KIDINS220: variants seen among roughly 807,000 people sequenced by gnomAD.
KIDINS220 encodes the protein kinase D-interacting substrate of 220 kDa.
Under a neutral mutation model 157.6 loss-of-function variants are expected in KIDINS220, and 63 were observed. The observed-to-expected ratio is 0.40, with a 90% CI of 0.33 to 0.49. The LOEUF is 0.49. Ranked by LOEUF, KIDINS220 falls within the 20% of genes least tolerant of loss-of-function variation. The pLI, the probability that KIDINS220 is intolerant of heterozygous loss-of-function variation, is 0.66. For missense variants in KIDINS220, 1,772 were observed against 2,171.2 expected, an observed-to-expected ratio of 0.82 and a Z score of 3.65; for synonymous variants, 732 against 783.6, an observed-to-expected ratio of 0.93 and a Z score of 1.10.
At chr2:8,798,321 C>A in intron 9 of KIDINS220, 21 bp from the exon 10 acceptor site, 2 of 1,275,526 alleles carry the variant, frequency 1.6e-6, no homozygotes, top group African/African-American at 1.5e-5. Context: ...AAAAAAAACA[C>A]AATCACTTCA....
chr2:8,826,915 T>G (rs1678895814), intron 2 of KIDINS220, 71 bp downstream of exon 2: 2 of 809,154 alleles, frequency 2.5e-6, no homozygotes, highest in African/African-American at 3.3e-5. Context: ...TCTTACACAC[T>G]TCTATCCTAT....
intron 22 of KIDINS220, among the ~76,000 whole-genome samples, chr2:8,760,163 G>C (rs1668568742): frequency 6.6e-6 from 1 of 152,200 alleles, no homozygotes; most frequent in Non-Finnish European, 1.5e-5. Flanking sequence ...AATTGAAGAA[G>C]ATCAACAAAT....
At chr2:8,773,424 G>A (rs965631907) in intron 21 of KIDINS220, among the ~76,000 whole-genome samples, 1 of 151,566 alleles carries the variant, frequency 6.6e-6, no homozygotes, top group African/African-American at 2.4e-5. Flanking sequence ...TCCTTCCTAT[G>A]GATTTGGGGC....
At chr2:8,826,947 T>A (rs747609637) in intron 2 of KIDINS220, 39 bp downstream of exon 2, 1 of 1,176,700 alleles carries the variant, frequency 8.5e-7, no homozygotes. Flanking sequence ...AGTCAACAAA[T>A]ATTTGTGAAA....
chr2:8,740,685 T>C lies in KIDINS220; in HGVS notation c.3586-3686A>G, dbSNP rs550447083. Among the ~76,000 whole-genome samples the C allele has an allele frequency of 7.2e-5, 11 of 152,298 alleles. 1 individual carries two copies. The South Asian group carries it at 8.3e-4, about 11-fold the overall frequency. On this transcript the variant is annotated intron_variant, in intron 26 of 29. Transcript: ENST00000256707. ...CTTTGGGTATGTGGCACATAATAGA[T>C]GCACTAAATACCATTTCATAAGAAT...
chr2:8,824,754 C>T (rs199859715), intron 2 of KIDINS220, among the ~76,000 whole-genome samples: 1 of 152,080 alleles, frequency 6.6e-6, no homozygotes, highest in East Asian at 1.9e-4. Context: ...TCACAATAGC[C>T]AAGGGATGGA....
At chr2:8,765,314 A>G (rs1024215056) in intron 22 of KIDINS220, among the ~76,000 whole-genome samples, 2 of 152,170 alleles carry the variant, frequency 1.3e-5, no homozygotes, top group African/African-American at 2.4e-5. Context: ...AAAGCAACTC[A>G]TTAGTTGCTC....
In KIDINS220 at chr2:8,730,133, T is replaced by C. The variant is rs1435974794; in HGVS notation, c.*587A>G. On this transcript the variant is annotated 3_prime_UTR_variant, in exon 30 of 30. Transcript: ENST00000256707. ...TGCCAGCCCTGGTGACTCACTTTGT[T>C]GGCAATTTTTAAAGCCCTCTTCATT... 5.1e-6 allele frequency: 5 copies of C among 985,888 alleles called. No homozygotes were observed. The highest frequency in any genetic ancestry group is 6.0e-6 in the Non-Finnish European group (5 of 830,278). 61.1% of individuals were successfully genotyped at this position (985,888 alleles called of 1,614,324 possible).
rs757569522 is a variant in KIDINS220 at position 8,779,103 on chromosome 2, T to C, written c.2407A>G (p.Ile803Val). Residue 803 changes from isoleucine to valine, a missense_variant, in exon 19 of 30, where the codon ATT becomes GTT. By Grantham distance (29) the Ile-to-Val change is conservative. Coordinates refer to ENST00000256707, the MANE Select transcript of KIDINS220 (RefSeq NM_020738.4). ...ATAATATGTGGATCACTTGCAAAAA[T>C]GGCAATGAACGGGCCTTTTGAAAAC... ...VLFSKGPFIA[I>V]FASDPHIIIK... is the part of the protein sequence containing the mutation. 8 of 1,613,768 alleles carry C rather than the reference T, an allele frequency of 5.0e-6. No individual in the cohort carries two copies. Among genetic ancestry groups the C allele is most frequent in the African/African-American group, 4.0e-5 (3 of 74,902 alleles).
chr2:8,817,632 C>G lies in KIDINS220; in HGVS notation c.292G>C (p.Glu98Gln). ...AATGTCCATACCATATCACGGTGCT[C>G]CAAGTTAACCCCACATTTCAGTAGT... ...EELLKCGVNL[E>Q]HRDMGGWTAL... Residue 98 changes from glutamate to glutamine, a missense_variant, in exon 4 of 30, where the codon GAG becomes CAG. Physicochemically the swap from Glu to Gln is conservative, Grantham distance 29. Coordinates refer to ENST00000256707, the MANE Select transcript of KIDINS220 (RefSeq NM_020738.4). The G allele has an allele frequency of 6.2e-7, 1 of 1,601,134 alleles. No homozygotes were observed. Among genetic ancestry groups the G allele is most frequent in the Non-Finnish European group, 8.5e-7 (1 of 1,172,044 alleles).
chr2:8,737,212 G>A (rs1252033587), intron 26 of KIDINS220: 3 of 413,854 alleles, frequency 7.2e-6, no homozygotes. Flanking sequence ...ATACAGCCTG[G>A]TCAAAACCAT....
chr2:8,801,873 C>T (rs1284765658), intron 8 of KIDINS220, among the ~76,000 whole-genome samples: 7 of 152,304 alleles, frequency 4.6e-5, no homozygotes, highest in South Asian at 4.1e-4. Context: ...CACCACTGCA[C>T]TCCAGCCTGG....
At position 8,747,221 on chromosome 2, in the gene KIDINS220, G is replaced by A. The variant is rs1379008232; in HGVS notation, c.3529-20C>T. On this transcript the variant is annotated intron_variant, in intron 25 of 29. Coordinates refer to ENST00000256707, the MANE Select transcript of KIDINS220 (RefSeq NM_020738.4). ...AACTTCCTAACAACACAAAACAGGA[G>A]AGTGTGGGTGAAAAGGGGAAGGGGG... The A allele has an allele frequency of 6.2e-7, 1 of 1,613,224 alleles. No individual in the cohort carries two copies. Among genetic ancestry groups the A allele is most frequent in the East Asian group, 2.2e-5 (1 of 44,876 alleles).
chr2:8,778,394 T>TC (rs950924820), intron 20 of KIDINS220, among the ~76,000 whole-genome samples: 1 of 152,132 alleles, frequency 6.6e-6, no homozygotes, highest in African/African-American at 2.4e-5. Context: ...AGCTTTAAGA[T>TC]CCCAGGGATC....
intron 21 of KIDINS220, among the ~76,000 whole-genome samples, chr2:8,773,127 T>C (rs1670457461): frequency 6.6e-6 from 1 of 152,222 alleles, no homozygotes; most frequent in Non-Finnish European, 1.5e-5. Context: ...TTAGGGGCTT[T>C]TATAAAATGA....
chr2:8,786,899 A>G (rs908162065), intron 15 of KIDINS220, among the ~76,000 whole-genome samples: 1 of 152,200 alleles, frequency 6.6e-6, no homozygotes, highest in African/African-American at 2.4e-5. Flanking sequence ...ATAGTTGTAA[A>G]ATATTCTCTT....
intron 2 of KIDINS220, among the ~76,000 whole-genome samples, chr2:8,819,858 G>GA (rs374194626): frequency 2.6e-5 from 4 of 152,144 alleles, no homozygotes; most frequent in African/African-American, 9.6e-5. Flanking sequence ...TTCAAAAAAG[G>GA]AAGTACCAGG....
At chr2:8,757,417 C>CA (rs1459022361) in intron 22 of KIDINS220, 67 of 1,224,334 alleles carry the variant, frequency 5.5e-5, no homozygotes, top group Non-Finnish European at 6.6e-5. Context: ...AACAGTCTTA[C>CA]AGCTTTAACC....
At chr2:8,784,060 G>A (rs1340514320) in intron 17 of KIDINS220, among the ~76,000 whole-genome samples, 9 of 151,768 alleles carry the variant, frequency 5.9e-5, no homozygotes, top group African/African-American at 1.2e-4. Flanking sequence ...ATGCGCAAAC[G>A]AACAGACAAA....
Sources: allele counts gnomAD v4.1 joint callset (sites outside exome capture counted in the v4.1 genomes callset), GRCh38; gene constraint gnomAD v4.1.1; transcripts MANE v1.5; gene names NCBI Gene and HGNC (gene_info 2026-07-23, HGNC 2026-07-21).